LARGE1: variants seen among roughly 807,000 people sequenced by gnomAD.
LARGE1 encodes xylosyl- and glucuronyltransferase LARGE1.
In LARGE1, 43 loss-of-function variants were observed where a neutral mutation model predicts 87.6. That is an observed-to-expected ratio of 0.49 (90% CI 0.38 to 0.63). LARGE1 has a LOEUF of 0.63. Ranked by LOEUF, LARGE1 falls within the 30% of genes least tolerant of loss-of-function variation. The probability of loss-of-function intolerance (pLI) is 0.00; values close to 1 mark genes in which losing one functional copy is unlikely to be tolerated. For missense variants in LARGE1, 802 were observed against 1,000.2 expected (o/e 0.80, Z 2.67); for synonymous variants, 434 against 394.6 (o/e 1.10, Z -1.18).
At chr22:33,385,643 T>C (rs1411482067) in intron 7 of LARGE1, among the ~76,000 whole-genome samples, 2 of 147,004 alleles carry the variant, frequency 1.4e-5, no homozygotes, top group African/African-American at 4.9e-5. Context: ...CTTAGCTGAA[T>C]GGCTGAGAAG....
chr22:33,810,544 C>T (rs567322356), intron 1 of LARGE1, among the ~76,000 whole-genome samples: 14 of 152,078 alleles, frequency 9.2e-5, no homozygotes, highest in South Asian at 2.1e-4. Context: ...CAATGAAATA[C>T]GAATGCATGC....
chr22:33,382,496 C>T (rs192495329), intron 8 of LARGE1, among the ~76,000 whole-genome samples: 1 of 152,328 alleles, frequency 6.6e-6, no homozygotes, highest in Admixed American at 6.5e-5. Context: ...TCCTCCCTTT[C>T]AGCAGTGCTT....
At chr22:33,537,878 G>T (rs771132875) in intron 6 of LARGE1, among the ~76,000 whole-genome samples, 50 of 152,124 alleles carry the variant, frequency 3.3e-4, no homozygotes, top group Admixed American at 1.3e-4. Context: ...GCCCTATACA[G>T]GGTACTTTTT....
Position 33,475,652 on chromosome 22 carries a change from G to C in LARGE1, c.788-43387C>G, listed in dbSNP as rs190370344. ...AATTTTTTGTATTTTTAGTAGAGAC[G>C]GGGTTTCTCCAAGTCGGTCAGAGTG... On this transcript the variant is annotated intron_variant, in intron 6 of 14. Coordinates refer to ENST00000397394, the MANE Select transcript of LARGE1 (RefSeq NM_133642.5). 2.6e-5 allele frequency among the ~76,000 whole-genome samples: 4 copies of C among 151,838 alleles called. No individual in the cohort carries two copies. In the East Asian group the frequency reaches 7.8e-4, roughly 29 times the overall value.
At chr22:33,874,561 A>G (rs1467460653) in intron 1 of LARGE1, among the ~76,000 whole-genome samples, 1 of 152,220 alleles carries the variant, frequency 6.6e-6, no homozygotes, top group African/African-American at 2.4e-5. Flanking sequence ...TGGAAATGTT[A>G]GAGTTTGAGG....
intron 10 of LARGE1, among the ~76,000 whole-genome samples, chr22:33,333,252 T>C (rs539719372): frequency 6.6e-6 from 1 of 152,106 alleles, no homozygotes; most frequent in Non-Finnish European, 1.5e-5. Context: ...TCTCCTGACC[T>C]CATGATCCGC....
chr22:33,641,491 C>A (rs2080432093), intron 3 of LARGE1, among the ~76,000 whole-genome samples: 2 of 152,126 alleles, frequency 1.3e-5, no homozygotes, highest in African/African-American at 4.8e-5. Flanking sequence ...ATGATCGCAA[C>A]TCCTCTCCAG....
At chr22:33,914,141 G>T (rs2065716780) in intron 1 of LARGE1, among the ~76,000 whole-genome samples, 1 of 152,108 alleles carries the variant, frequency 6.6e-6, no homozygotes, top group African/African-American at 2.4e-5. Context: ...ACTTACTTCA[G>T]ATCTCCTCTT....
chr22:33,559,981 C>T (rs374494809), intron 6 of LARGE1, among the ~76,000 whole-genome samples: 19 of 152,260 alleles, frequency 1.2e-4, no homozygotes, highest in Admixed American at 9.2e-4. Flanking sequence ...AATCTAACTT[C>T]GGTCTCTCCA....
intron 10 of LARGE1, among the ~76,000 whole-genome samples, chr22:33,334,802 T>G (rs1938234307): frequency 6.6e-6 from 1 of 152,196 alleles, no homozygotes; most frequent in Non-Finnish European, 1.5e-5. Flanking sequence ...GCCACTTACA[T>G]ACAGGGGTGG....
intron 5 of LARGE1, among the ~76,000 whole-genome samples, chr22:33,591,835 G>A (rs1490322915): frequency 4.4e-5 from 6 of 135,072 alleles, no homozygotes; most frequent in African/African-American, 1.7e-4. Flanking sequence ...AGCAAGACCC[G>A]TCTCTCCAAA....
At chr22:33,330,953 A>G (rs1378734667) in intron 10 of LARGE1, among the ~76,000 whole-genome samples, 1 of 152,182 alleles carries the variant, frequency 6.6e-6, no homozygotes, top group East Asian at 1.9e-4. Context: ...AGCAAATGTG[A>G]CACCCTCTCA....
intron 11 of LARGE1, among the ~76,000 whole-genome samples, chr22:33,177,445 G>A (rs528241484): frequency 6.6e-6 from 1 of 152,000 alleles, no homozygotes; most frequent in Non-Finnish European, 1.5e-5. Context: ...TCAGTTCAAT[G>A]TCAAAATCTA....
chr22:33,130,313 CAAAAAAAAAAAAAA>C, the LARGE1 span, among the ~76,000 whole-genome samples: 135 of 57,006 alleles, frequency 2.4e-3, 1 homozygote, highest in African/African-American at 0.011. Flanking sequence ...GATTCCGTCT[CAAAAAAAAAAAAAA>C]AAAAAAAAAA....
chr22:33,786,142 T>C (rs563603218), intron 1 of LARGE1, among the ~76,000 whole-genome samples: 1 of 152,300 alleles, frequency 6.6e-6, no homozygotes, highest in South Asian at 2.1e-4. Flanking sequence ...TGGGCATAAG[T>C]AGGGCACAGT....
intron 11 of LARGE1, among the ~76,000 whole-genome samples, chr22:33,265,420 C>T (rs952225409): frequency 1.3e-5 from 2 of 152,184 alleles, no homozygotes; most frequent in African/African-American, 4.8e-5. Flanking sequence ...CTCGTCTTGA[C>T]ACCTATTGTG....
chr22:33,641,497 T>A (rs986849409), intron 3 of LARGE1, among the ~76,000 whole-genome samples: 1 of 152,056 alleles, frequency 6.6e-6, no homozygotes, highest in African/African-American at 2.4e-5. Context: ...GCAACTCCTC[T>A]CCAGCAAGGG....
intron 11 of LARGE1, among the ~76,000 whole-genome samples, chr22:33,211,862 A>G (rs115763785): frequency 0.013 from 1,943 of 152,288 alleles, 43 homozygotes; most frequent in African/African-American, 0.043. Context: ...AGTCTGAGTG[A>G]TCTGAATAAA....
At chr22:33,523,876 G>A (rs1178800223) in intron 6 of LARGE1, among the ~76,000 whole-genome samples, 2 of 152,148 alleles carry the variant, frequency 1.3e-5, no homozygotes, top group African/African-American at 2.4e-5. Context: ...AAACTGTCAT[G>A]GGTACAATAT....
Sources: allele counts gnomAD v4.1 joint callset (sites outside exome capture counted in the v4.1 genomes callset), GRCh38; gene constraint gnomAD v4.1.1; transcripts MANE v1.5; gene names NCBI Gene and HGNC (gene_info 2026-07-23, HGNC 2026-07-21).